Variants in CACNA2D3 observed in about 807,000 individuals in gnomAD.
CACNA2D3 encodes the protein voltage-dependent calcium channel subunit alpha-2/delta-3.
Under a neutral mutation model 160.6 loss-of-function variants are expected in CACNA2D3, and 60 were observed. The ratio of observed to expected loss-of-function variants is 0.37; its 90% CI spans 0.30 to 0.46. The LOEUF (loss-of-function observed/expected upper bound fraction) is 0.46. Ranked by LOEUF, CACNA2D3 falls within the 20% of genes least tolerant of loss-of-function variation. The pLI is 1.00. For synonymous variants in CACNA2D3, 558 were observed against 492.9 expected (o/e 1.13, Z -1.75); for missense variants, 1,205 against 1,365.0 (o/e 0.88, Z 1.85).
rs144574319 is a variant in CACNA2D3 at position 54,258,209 on chromosome 3, T to C, written c.205-62233T>C. 7.1e-3 allele frequency among the ~76,000 whole-genome samples: 1,080 copies of C among 152,308 alleles called. 13 individuals carry two copies. The highest frequency in any genetic ancestry group is 0.024 in the African/African-American group (1,006 of 41,576). On this transcript the variant is annotated intron_variant, in intron 2 of 37. Coordinates refer to ENST00000474759, the MANE Select transcript of CACNA2D3 (RefSeq NM_018398.3). ...GTAATACTTTTTGTTTTAATATTTA[T>C]TTATTATGGCATTTCCAAGTTGGGC...
intron 4 of CACNA2D3, among the ~76,000 whole-genome samples, chr3:54,402,017 G>T (rs1390200657): frequency 6.6e-6 from 1 of 152,096 alleles, no homozygotes; most frequent in East Asian, 1.9e-4. Flanking sequence ...CAAAAGTCAA[G>T]AGTGTTTGTA....
chr3:54,345,489 A>G (rs1698439415), intron 3 of CACNA2D3, among the ~76,000 whole-genome samples: 1 of 152,170 alleles, frequency 6.6e-6, no homozygotes, highest in South Asian at 2.1e-4. Flanking sequence ...AGTGAATCCA[A>G]ATGGCCTTGC....
At chr3:54,170,636 T>TCTTC (rs750671436) in intron 2 of CACNA2D3, among the ~76,000 whole-genome samples, 3 of 152,108 alleles carry the variant, frequency 2.0e-5, no homozygotes, top group African/African-American at 4.8e-5. Flanking sequence ...CTCCCTCCTT[T>TCTTC]CTTCCTTCCT....
intron 11 of CACNA2D3, among the ~76,000 whole-genome samples, chr3:54,648,752 G>C (rs969398733): frequency 2.0e-5 from 3 of 152,226 alleles, no homozygotes; most frequent in Admixed American, 6.5e-5. Flanking sequence ...CTTCTGTTGA[G>C]GGCCTCATGC....
chr3:54,191,403 T>TCATCATCAA (rs2107336945), intron 2 of CACNA2D3, among the ~76,000 whole-genome samples: 1 of 91,080 alleles, frequency 1.1e-5, no homozygotes, highest in South Asian at 3.0e-4. Flanking sequence ...ATCAACATCA[T>TCATCATCAA]CATCATCATC....
intron 11 of CACNA2D3, among the ~76,000 whole-genome samples, chr3:54,743,550 C>A (rs1281823945): frequency 6.6e-6 from 1 of 152,190 alleles, no homozygotes; most frequent in East Asian, 1.9e-4. Flanking sequence ...GACACAGCCC[C>A]ATGATGTTTT....
chr3:54,173,519 C>T (rs937492650), intron 2 of CACNA2D3, among the ~76,000 whole-genome samples: 1 of 152,218 alleles, frequency 6.6e-6, no homozygotes. Context: ...AGGCTGCTTG[C>T]TCACTCTTTC....
intron 5 of CACNA2D3, among the ~76,000 whole-genome samples, chr3:54,554,078 C>G (rs915484679): frequency 3.3e-5 from 5 of 152,144 alleles, no homozygotes; most frequent in Non-Finnish European, 7.4e-5. Flanking sequence ...GGTTTTTGAT[C>G]TTGCTTATTC....
intron 31 of CACNA2D3, among the ~76,000 whole-genome samples, chr3:54,992,601 G>A (rs559126998): frequency 5.3e-5 from 8 of 151,856 alleles, no homozygotes; most frequent in South Asian, 2.1e-4. Context: ...GTCTGAATCC[G>A]TCTCTTCCTA....
intron 4 of CACNA2D3, among the ~76,000 whole-genome samples, chr3:54,478,379 T>C (rs867085612): frequency 1.3e-5 from 2 of 152,064 alleles, no homozygotes; most frequent in South Asian, 2.1e-4. Context: ...ACACCTGTAA[T>C]TCCAGCAGTT....
chr3:54,738,371 C>T (rs1387349685), intron 11 of CACNA2D3, among the ~76,000 whole-genome samples: 5 of 152,182 alleles, frequency 3.3e-5, no homozygotes, highest in African/African-American at 1.2e-4. Flanking sequence ...TGCAGAACTT[C>T]CTGCAGTCAT....
chr3:54,644,741 G>A (rs1055092132), intron 11 of CACNA2D3, among the ~76,000 whole-genome samples: 1 of 152,236 alleles, frequency 6.6e-6, no homozygotes, highest in Non-Finnish European at 1.5e-5. Context: ...TACAACTTCT[G>A]ATGCAGTAGA....
intron 27 of CACNA2D3, among the ~76,000 whole-genome samples, chr3:54,911,163 C>A (rs980802486): frequency 3.9e-5 from 6 of 152,118 alleles, no homozygotes; most frequent in African/African-American, 1.4e-4. Flanking sequence ...TATAGCAATA[C>A]AATTACCTAA....
At chr3:54,555,204 A>G (rs1362906628) in intron 5 of CACNA2D3, among the ~76,000 whole-genome samples, 1 of 152,146 alleles carries the variant, frequency 6.6e-6, no homozygotes, top group African/African-American at 2.4e-5. Flanking sequence ...TTTCTAATGA[A>G]TGGAGTAAGT....
At chr3:54,670,920 T>G (rs1293494133) in intron 11 of CACNA2D3, among the ~76,000 whole-genome samples, 1 of 152,164 alleles carries the variant, frequency 6.6e-6, no homozygotes, top group Non-Finnish European at 1.5e-5. Context: ...CTCCCTGCCT[T>G]CCTTCACCCA....
intron 11 of CACNA2D3, among the ~76,000 whole-genome samples, chr3:54,710,454 G>T (rs763927608): frequency 3.3e-5 from 5 of 152,152 alleles, no homozygotes; most frequent in African/African-American, 1.2e-4. Context: ...CAACTTTAAC[G>T]TGCGGTCTTG....
At chr3:54,576,534 G>A (rs1241495609) in intron 8 of CACNA2D3, among the ~76,000 whole-genome samples, 1 of 152,184 alleles carries the variant, frequency 6.6e-6, no homozygotes, top group Non-Finnish European at 1.5e-5. Flanking sequence ...TTGGGCAAAA[G>A]GAAAGAAAAG....
intron 2 of CACNA2D3, among the ~76,000 whole-genome samples, chr3:54,139,263 G>A (rs1699874701): frequency 6.6e-6 from 1 of 152,194 alleles, no homozygotes; most frequent in East Asian, 1.9e-4. Flanking sequence ...ACCCATACCT[G>A]TTGCCCTGCA....
At chr3:54,509,775 G>GT (rs1334656806) in intron 5 of CACNA2D3, among the ~76,000 whole-genome samples, 1 of 152,110 alleles carries the variant, frequency 6.6e-6, no homozygotes, top group Admixed American at 6.5e-5. Context: ...TTTACTCATA[G>GT]TTTTTCTCTT....
Sources: allele counts gnomAD v4.1 joint callset (sites outside exome capture counted in the v4.1 genomes callset), GRCh38; gene constraint gnomAD v4.1.1; transcripts MANE v1.5; gene names NCBI Gene and HGNC (gene_info 2026-07-23, HGNC 2026-07-21).